Variants in SH3TC2 observed in about 807,000 individuals in gnomAD.
SH3TC2 encodes SH3 domain and tetratricopeptide repeat-containing protein 2.
Under a neutral mutation model 124.5 loss-of-function variants are expected in SH3TC2, and 87 were observed. The observed-to-expected ratio is 0.70, with a 90% confidence interval of 0.59 to 0.84. The LOEUF (loss-of-function observed/expected upper bound fraction) is 0.84. Among genes scored for constraint, SH3TC2 ranks in the 40% least tolerant of loss-of-function variants. SH3TC2 has a pLI of 0.00. For missense variants in SH3TC2, 1,536 were observed against 1,566.4 expected (o/e 0.98, Z 0.33); for synonymous variants, 634 against 628.5 (o/e 1.01, Z -0.13).
intron 2 of SH3TC2, among the ~76,000 whole-genome samples, chr5:149,049,295 C>T (rs186335881): frequency 1.1e-4 from 17 of 152,316 alleles, no homozygotes; most frequent in Non-Finnish European, 2.2e-4. Context: ...GCATGCTGAG[C>T]TCTAGGAGGA....
chr5:149,034,079 A>G (rs1446543949), intron 8 of SH3TC2, among the ~76,000 whole-genome samples: 2 of 152,238 alleles, frequency 1.3e-5, no homozygotes, highest in Non-Finnish European at 2.9e-5. Flanking sequence ...AAGAATTTAT[A>G]TGAATGATTA....
At chr5:149,041,186 T>C (rs1203710371) in intron 6 of SH3TC2, among the ~76,000 whole-genome samples, 1 of 152,210 alleles carries the variant, frequency 6.6e-6, no homozygotes, top group African/African-American at 2.4e-5. Context: ...GTATATTTGC[T>C]GCTAGGTACA....
chr5:149,045,142 TAA>T (rs1754437366), intron 3 of SH3TC2: 1 of 154,546 alleles, frequency 6.5e-6, no homozygotes, highest in South Asian at 2.0e-4. Context: ...TCCCTACTCC[TAA>T]AGATCATCAG....
At chr5:149,062,388 A>T in intron 1 of SH3TC2, 2 of 533,814 alleles carry the variant, frequency 3.7e-6, no homozygotes, top group African/African-American at 1.9e-5. Context: ...TCCCAGGCAA[A>T]CCATAATGGC....
chr5:148,992,878 G>A lies in SH3TC2; in HGVS notation c.*11833C>T, dbSNP rs1481845290. ...AACATGCACAGCTCATAGGGTTTGGGTATGGCTTGGAAAATCATCATGCTT... is the reference window on the plus strand; with the variant it reads ...AACATGCACAGCTCATAGGGTTTGGATATGGCTTGGAAAATCATCATGCTT... On this transcript the variant is annotated 3_prime_UTR_variant, in exon 17 of 17. Coordinates refer to ENST00000515425, the MANE Select transcript of SH3TC2 (RefSeq NM_024577.4). Among the ~76,000 whole-genome samples the A allele has an allele frequency of 6.6e-6, 1 of 152,096 alleles. No individual in the cohort carries two copies. The highest frequency in any genetic ancestry group is 1.5e-5 in the Non-Finnish European group (1 of 68,024).
intron 14 of SH3TC2, 38 bp from the exon 15 acceptor site, chr5:149,009,039 G>C: frequency 6.2e-7 from 1 of 1,613,968 alleles, no homozygotes. Context: ...GTCTAGCTAG[G>C]AATCCTCAGT....
chr5:149,020,020 C>G (rs1753941296), intron 12 of SH3TC2, among the ~76,000 whole-genome samples: 1 of 151,964 alleles, frequency 6.6e-6, no homozygotes, highest in Non-Finnish European at 1.5e-5. Flanking sequence ...AGCCTTTTCC[C>G]TGAGGCATAT....
chr5:149,037,664 C>G (rs1239563448), intron 8 of SH3TC2, among the ~76,000 whole-genome samples: 1 of 152,160 alleles, frequency 6.6e-6, no homozygotes, highest in Non-Finnish European at 1.5e-5. Context: ...ATAGGAAGCC[C>G]ACTCCAAAAA....
chr5:148,988,733 G>A lies in SH3TC2; in HGVS notation c.*15978C>T, dbSNP rs1457078114. 2.0e-5 allele frequency among the ~76,000 whole-genome samples: 3 copies of A among 152,234 alleles called. No homozygotes were observed. The highest frequency in any genetic ancestry group is 2.9e-5 in the Non-Finnish European group (2 of 68,044). On this transcript the variant is annotated 3_prime_UTR_variant, in exon 17 of 17. Transcript: ENST00000515425. ...TGCAACAACAGTAGAGAACCCAAGC[G>A]AGAATTGCCCGGGTGAGCCCAGTCA... is the stretch of plus-strand genomic sequence containing the variant.
intron 1 of SH3TC2, among the ~76,000 whole-genome samples, chr5:149,062,672 G>A (rs765846478): frequency 1.3e-5 from 2 of 152,190 alleles, no homozygotes; most frequent in Non-Finnish European, 2.9e-5. Context: ...GGGAAGAAAG[G>A]AAGGAAGGGC....
chr5:149,014,696 T>G (rs116009321), intron 12 of SH3TC2, among the ~76,000 whole-genome samples: 1 of 152,184 alleles, frequency 6.6e-6, no homozygotes, highest in African/African-American at 2.4e-5. Context: ...GAGAATACAA[T>G]GAGCTGAAAA....
At chr5:149,008,493 A>G (rs917212586) in intron 15 of SH3TC2, 20 of 348,322 alleles carry the variant, frequency 5.7e-5, no homozygotes, top group Non-Finnish European at 8.7e-5. Context: ...ATAAAATATC[A>G]TTTACTTTAC....
Position 149,021,884 on chromosome 5 carries a change from C to CTT in SH3TC2, c.3053+4686_3053+4687dup, listed in dbSNP as rs869151294. Reference sequence around the variant, plus strand: ...AACACCAATCCTTCACAAACTCTTTCTTTTTTTTTTTTTTTTTTTTTTTTT... The same window carrying CTT: ...AACACCAATCCTTCACAAACTCTTTCTTTTTTTTTTTTTTTTTTTTTTTTTTT... On this transcript the variant is annotated intron_variant, in intron 12 of 16. Coordinates refer to ENST00000515425, the MANE Select transcript of SH3TC2 (RefSeq NM_024577.4). Among the ~76,000 whole-genome samples, 4 of 32,860 alleles carry CTT rather than the reference C, an allele frequency of 1.2e-4. 2 individuals are homozygous for CTT. Among genetic ancestry groups the CTT allele is most frequent in the African/African-American group, 5.6e-4 (4 of 7,114 alleles). 21.6% of individuals were successfully genotyped at this position (32,860 alleles called of 152,430 possible).
Position 148,984,687 on chromosome 5 carries a change from C to A in SH3TC2, c.*20024G>T, listed in dbSNP as rs889065112. Reference sequence around the variant, plus strand: ...GCATGTATCCCTGAAGGGTAAATGTCCACATTTGCTTAGATGTTTAGTGGG... The same window carrying A: ...GCATGTATCCCTGAAGGGTAAATGTACACATTTGCTTAGATGTTTAGTGGG... On this transcript the variant is annotated 3_prime_UTR_variant, in exon 17 of 17. Coordinates refer to ENST00000515425, the MANE Select transcript of SH3TC2 (RefSeq NM_024577.4). 6.6e-6 allele frequency among the ~76,000 whole-genome samples: 1 copy of A among 152,134 alleles called. No homozygotes were observed. The highest frequency in any genetic ancestry group is 6.6e-5 in the Admixed American group (1 of 15,246).
Position 149,004,481 on chromosome 5 carries a change from G to GT in SH3TC2, c.*229dup. 1 of 564,916 alleles carries GT rather than the reference G, an allele frequency of 1.8e-6. No individual in the cohort carries two copies. Among genetic ancestry groups the GT allele is most frequent in the South Asian group, 2.4e-5 (1 of 42,190 alleles). The allele number at this position is 564,916 out of a possible 1,614,324, so 35.0% of individuals were successfully genotyped here. Reference sequence around the variant, plus strand: ...TTGTGTGGAAGGCAACAGTCAACCGGTAAAGGCTCCAGATGCAAAGCCTGG... The same window carrying GT: ...TTGTGTGGAAGGCAACAGTCAACCGGTTAAAGGCTCCAGATGCAAAGCCTGG... On this transcript the variant is annotated 3_prime_UTR_variant, in exon 17 of 17. Transcript: ENST00000515425.
At chr5:149,051,560 T>C (rs1054080341) in intron 2 of SH3TC2, among the ~76,000 whole-genome samples, 2 of 152,166 alleles carry the variant, frequency 1.3e-5, no homozygotes, top group African/African-American at 4.8e-5. Context: ...CAGGCAGTCC[T>C]CCCATCTCAA....
At position 148,998,486 on chromosome 5, in the gene SH3TC2, C is replaced by T. The variant is rs558844387; in HGVS notation, c.*6225G>A. 4.6e-5 allele frequency among the ~76,000 whole-genome samples: 7 copies of T among 152,324 alleles called. No homozygotes were observed. In the East Asian group the frequency reaches 1.4e-3, roughly 29 times the overall value. ...TCTGGAAGTTCATCTCAAAGAGCCTCATCCCTCAAGCTAGTGTGATGCCCT... is the reference window on the plus strand; with the variant it reads ...TCTGGAAGTTCATCTCAAAGAGCCTTATCCCTCAAGCTAGTGTGATGCCCT... On this transcript the variant is annotated 3_prime_UTR_variant, in exon 17 of 17. Coordinates refer to ENST00000515425, the MANE Select transcript of SH3TC2 (RefSeq NM_024577.4).
intron 16 of SH3TC2, 85 bp downstream of exon 16, chr5:149,006,796 C>T (rs1753697360): frequency 1.4e-6 from 2 of 1,405,402 alleles, no homozygotes; most frequent in Non-Finnish European, 2.0e-6. Flanking sequence ...TCAGCTCCAC[C>T]ACAAAGGCTC....
At position 149,028,403 on chromosome 5, in the gene SH3TC2, C is replaced by T. The variant is rs150135768; in HGVS notation, c.1329G>A (p.Glu443=). ...GTTCCGGGTCATCAAGGTCATCAGG[C>T]TCCGGCAGGCGATAGCTGTCTGAGG... ...SATSDSYRLP[E]PDDLDDPELL... is the part of the protein sequence containing the mutation. The change falls in exon 11 of 17, where the codon GAG becomes GAA. Residue 443 remains glutamate (E), a synonymous_variant. Transcript: ENST00000515425. 53 of 1,614,016 alleles carry T rather than the reference C, an allele frequency of 3.3e-5. No individual in the cohort carries two copies. The African/African-American group carries it at 4.9e-4, about 15-fold the overall frequency.
Sources: gnomAD v4.1 joint callset for allele counts (sites outside exome capture counted in the v4.1 genomes callset) on GRCh38, gnomAD v4.1.1 for gene constraint, MANE v1.5 for transcripts, NCBI Gene and HGNC (gene_info 2026-07-23, HGNC 2026-07-21) for gene names.